MRC1: variants seen among roughly 807,000 people sequenced by gnomAD.
The protein encoded by MRC1 is mannose receptor C-type 1.
MRC1 carries 62 observed loss-of-function variants against 102.9 expected under a neutral mutation model. The ratio of observed to expected loss-of-function variants is 0.60; its 90% confidence interval spans 0.49 to 0.74. The LOEUF (loss-of-function observed/expected upper bound fraction) is 0.74. MRC1 is among the 30% of genes least tolerant of loss of function. MRC1 has a pLI of 0.00. For missense variants in MRC1, 1,237 were observed against 862.8 expected (o/e 1.43, Z -5.43); for synonymous variants, 457 against 298.4 (o/e 1.53, Z -5.48).
At chr10:17,850,447 T>A (rs904826868) in intron 7 of MRC1, among the ~76,000 whole-genome samples, 34 of 151,874 alleles carry the variant, frequency 2.2e-4, no homozygotes, top group South Asian at 1.2e-3. Context: ...CTAAAAAAAA[T>A]TTTTTTTAAA....
chr10:17,883,496 T>C (rs1394141216), intron 21 of MRC1, among the ~76,000 whole-genome samples: 6 of 152,042 alleles, frequency 3.9e-5, no homozygotes, highest in African/African-American at 1.4e-4. Context: ...AAATCCTTAA[T>C]TAAGAAAAAC....
chr10:17,896,003 G>C (rs1194038171), intron 23 of MRC1, among the ~76,000 whole-genome samples: 1 of 152,184 alleles, frequency 6.6e-6, no homozygotes, highest in Non-Finnish European at 1.5e-5. Context: ...CCACAGCAGT[G>C]GTGGGTGTGC....
chr10:17,851,668 G>A lies in MRC1; in HGVS notation c.1250-1299G>A, dbSNP rs1014333040. ...GGACTTAGGAGGTTAGTTTTTCTTT[G>A]ATCTTCAATTTAAATCTTTGAGGGG... is the stretch of plus-strand genomic sequence containing the variant. On this transcript the variant is annotated intron_variant, in intron 7 of 29. Transcript: ENST00000569591. Among the ~76,000 whole-genome samples the A allele has an allele frequency of 5.3e-5, 8 of 152,290 alleles. No homozygotes were observed. The South Asian group carries it at 1.7e-3, about 32-fold the overall frequency.
At chr10:17,876,092 C>CA (rs1169712637) in intron 17 of MRC1, among the ~76,000 whole-genome samples, 97 of 152,234 alleles carry the variant, frequency 6.4e-4, no homozygotes, top group African/African-American at 2.2e-3. Context: ...AAAGTGTCTA[C>CA]AATTGGTACC....
chr10:17,827,217 C>T (rs1838489541), intron 2 of MRC1, among the ~76,000 whole-genome samples: 1 of 151,714 alleles, frequency 6.6e-6, no homozygotes. Context: ...ACCATTTGAA[C>T]ATTTTCAAAT....
intron 26 of MRC1, among the ~76,000 whole-genome samples, chr10:17,904,656 T>A (rs1833872808): frequency 6.6e-6 from 1 of 152,198 alleles, no homozygotes; most frequent in Non-Finnish European, 1.5e-5. Context: ...GATCTGTCTG[T>A]GTGTTGGGAT....
intron 4 of MRC1, among the ~76,000 whole-genome samples, chr10:17,835,743 CAGTAA>C (rs1554839420): frequency 6.6e-6 from 1 of 152,174 alleles, no homozygotes; most frequent in Non-Finnish European, 1.5e-5. Flanking sequence ...GGCAAGAAGA[CAGTAA>C]ATGCAGTGGT....
intron 21 of MRC1, among the ~76,000 whole-genome samples, chr10:17,883,435 A>G (rs1833545875): frequency 2.9e-3 from 1 of 346 alleles, no homozygotes; most frequent in South Asian, 0.062. Context: ...AGCTGTACTC[A>G]TGCTGCTTTT....
intron 8 of MRC1, 69 bp from the exon 9 acceptor site, chr10:17,856,173 A>G: frequency 1.9e-6 from 1 of 518,408 alleles, no homozygotes. Flanking sequence ...CTGTCTCAAA[A>G]AAAAAAAAAA....
At chr10:17,811,519 C>T (rs1838221298) in intron 1 of MRC1, among the ~76,000 whole-genome samples, 1 of 105,988 alleles carries the variant, frequency 9.4e-6, no homozygotes, top group African/African-American at 2.8e-5. Context: ...ATTCAAGGGA[C>T]CCCCCTTCCA....
chr10:17,827,412 A>AAAAACC, intron 2 of MRC1, 130 bp from the exon 3 acceptor site: 1 of 366,278 alleles, frequency 2.7e-6, no homozygotes, highest in Non-Finnish European at 5.2e-6. Context: ...AAAAAAAAAG[A>AAAAACC]AATCCCTCTG....
chr10:17,849,621 A>T lies in MRC1; in HGVS notation c.1106A>T (p.Tyr369Phe). 1.3e-6 allele frequency: 1 copy of T among 780,936 alleles called. No homozygotes were observed. Among genetic ancestry groups the T allele is most frequent in the Non-Finnish European group, 2.4e-6 (1 of 418,084 alleles). The allele number at this position is 780,936 out of a possible 1,614,324, so 48.4% of individuals were successfully genotyped here. ...PTHCPSQWWP[Y>F]AGHCYKIHRD... The stretch of plus-strand genomic sequence containing the variant: ...CACTGTCCTAGTCAGTGGTGGCCGT[A>T]TGCCGGTCACTGTTACAAGATTCAC... Residue 369 changes from tyrosine to phenylalanine, a missense_variant, in exon 7 of 30, where the codon TAT (tyrosine) becomes TTT (phenylalanine). Tyr to Phe is a conservative substitution (Grantham distance 22). Coordinates refer to ENST00000569591, the MANE Select transcript of MRC1 (RefSeq NM_002438.4).
chr10:17,845,056 T>C (rs1838805117), intron 5 of MRC1: 1 of 762,240 alleles, frequency 1.3e-6, no homozygotes, highest in East Asian at 2.5e-5. Flanking sequence ...CAAAGAAGTA[T>C]ATTTGCTTTA....
At chr10:17,849,518 A>G in intron 6 of MRC1, 61 bp from the exon 7 acceptor site, 2 of 756,944 alleles carry the variant, frequency 2.6e-6, no homozygotes, top group East Asian at 4.9e-5. Flanking sequence ...TGATTAAAAT[A>G]TTGTTATAGT....
chr10:17,869,862 G>A (rs1833330068), intron 12 of MRC1, among the ~76,000 whole-genome samples: 1 of 152,110 alleles, frequency 6.6e-6, no homozygotes, highest in African/African-American at 2.4e-5. Context: ...TCTTCTTCAT[G>A]TTTACTTTAT....
rs1833412506 is a variant in MRC1, at chr10:17,875,176, C to T, written c.2473C>T (p.Arg825Ter). Residue 825 changes from arginine to a stop codon, truncating the protein, a stop_gained, in exon 17 of 30, where the codon CGA becomes TGA. Transcript: ENST00000569591. LOFTEE classifies it high-confidence loss of function. ...AGAGAAGGAAACCATGGACAATGCGCGAGCGTTTTGCAAGAGGAATTTTGG... is the reference window on the plus strand; with the variant it reads ...AGAGAAGGAAACCATGGACAATGCGTGAGCGTTTTGCAAGAGGAATTTTGG... ...SKEKETMDNA[R>*]AFCKRNFGDL... The T allele has an allele frequency of 2.6e-6, 2 of 780,822 alleles. No homozygotes were observed. The highest frequency in any genetic ancestry group is 1.7e-5 in the African/African-American group (1 of 59,246). 48.4% of individuals were successfully genotyped at this position (780,822 alleles called of 1,614,324 possible).
At chr10:17,858,918 A>G (rs1833138424) in intron 9 of MRC1, among the ~76,000 whole-genome samples, 1 of 152,230 alleles carries the variant, frequency 6.6e-6, no homozygotes, top group African/African-American at 2.4e-5. Context: ...GAAACTTATT[A>G]TAGGCGGTTG....
intron 9 of MRC1, among the ~76,000 whole-genome samples, chr10:17,857,486 TAATC>T (rs1833110186): frequency 6.6e-6 from 1 of 152,248 alleles, no homozygotes; most frequent in Non-Finnish European, 1.5e-5. Flanking sequence ...ATCTTGATAA[TAATC>T]CTGTTTAATC....
At chr10:17,841,749 T>C (rs1751533303) in intron 5 of MRC1, among the ~76,000 whole-genome samples, 1 of 151,656 alleles carries the variant, frequency 6.6e-6, no homozygotes, top group South Asian at 2.1e-4. Context: ...CATTTTTTTT[T>C]TTTTTTTTTA....
Sources: allele counts gnomAD v4.1 joint callset (sites outside exome capture counted in the v4.1 genomes callset), GRCh38; gene constraint gnomAD v4.1.1; transcripts MANE v1.5; gene names NCBI Gene and HGNC (gene_info 2026-07-23, HGNC 2026-07-21).